RPIA: variants seen among roughly 807,000 people sequenced by gnomAD.
RPIA encodes the protein ribose-5-phosphate isomerase.
RPIA carries 29 observed loss-of-function variants against 37.8 expected under a neutral mutation model. The ratio of observed to expected loss-of-function variants is 0.77; its 90% CI spans 0.57 to 1.05. The LOEUF (loss-of-function observed/expected upper bound fraction) is 1.05, where lower values mean the gene tolerates loss of function less well. Ranked by LOEUF, RPIA falls within the 50% of genes least tolerant of loss-of-function variation. RPIA has a pLI of 0.00. For synonymous variants in RPIA, 167 were observed against 157.0 expected, an observed-to-expected ratio of 1.06 and a Z score of -0.48; for missense variants, 385 against 413.6, an observed-to-expected ratio of 0.93 and a Z score of 0.60.
At chr2:88,708,957 C>T (rs749720286) in intron 3 of RPIA, among the ~76,000 whole-genome samples, 50 of 152,046 alleles carry the variant, frequency 3.3e-4, no homozygotes, top group Admixed American at 5.9e-4. Flanking sequence ...GGGGTTTCAC[C>T]CTGTTGGCCA....
At chr2:88,702,195 C>A (rs1056270950) in intron 3 of RPIA, among the ~76,000 whole-genome samples, 2 of 152,150 alleles carry the variant, frequency 1.3e-5, no homozygotes, top group Non-Finnish European at 2.9e-5. Flanking sequence ...AGTATTACTT[C>A]ATCGTAAAAG....
chr2:88,728,818 C>A (rs1409031582), intron 3 of RPIA, among the ~76,000 whole-genome samples: 1 of 152,172 alleles, frequency 6.6e-6, no homozygotes, highest in Non-Finnish European at 1.5e-5. Context: ...TGTATATATT[C>A]TTTTCCTCAT....
Position 88,750,169 on chromosome 2 carries a change from T to A in RPIA, c.*91T>A, listed in dbSNP as rs925217202. On this transcript the variant is annotated 3_prime_UTR_variant, in exon 9 of 9. Coordinates refer to ENST00000283646, the MANE Select transcript of RPIA (RefSeq NM_144563.3). ...CCAGGAGCCTTTGCCTTAATGTATC[T>A]CTGCCTGGACAACTTGTGGTGGGGG... is the stretch of plus-strand genomic sequence containing the variant. 8 of 809,360 alleles carry A rather than the reference T, an allele frequency of 9.9e-6. No homozygotes were observed. The African/African-American group carries it at 1.4e-4, about 14-fold the overall frequency. The allele number at this position is 809,360 out of a possible 1,614,324, so 50.1% of individuals were successfully genotyped here.
chr2:88,714,747 C>A (rs1673011306), intron 3 of RPIA, among the ~76,000 whole-genome samples: 1 of 152,196 alleles, frequency 6.6e-6, no homozygotes. Flanking sequence ...TTGTTTTCAA[C>A]ACAATACCTG....
chr2:88,736,410 T>A, intron 6 of RPIA, 125 bp from the exon 7 acceptor site: 1 of 875,574 alleles, frequency 1.1e-6, no homozygotes, highest in Non-Finnish European at 1.9e-6. Context: ...TAGCCCCATG[T>A]ATATTGCCCT....
chr2:88,734,434 G>A (rs1673290548), intron 4 of RPIA, 118 bp from the exon 5 acceptor site: 3 of 920,406 alleles, frequency 3.3e-6, no homozygotes, highest in African/African-American at 1.6e-5. Context: ...TTGCTAAATG[G>A]GAGTACTAGA....
At chr2:88,735,770 G>C in intron 6 of RPIA, 33 bp downstream of exon 6, 1 of 1,606,100 alleles carries the variant, frequency 6.2e-7, no homozygotes, top group Non-Finnish European at 8.5e-7. Context: ...TGCCAACTGA[G>C]GAGGTAGATT....
chr2:88,696,865 C>T (rs1487433436), intron 1 of RPIA, among the ~76,000 whole-genome samples: 2 of 152,142 alleles, frequency 1.3e-5, no homozygotes, highest in East Asian at 3.8e-4. Context: ...GAGGGTGGAG[C>T]CCTCTGACCT....
chr2:88,708,591 A>G (rs978094260), intron 3 of RPIA, among the ~76,000 whole-genome samples: 3 of 152,198 alleles, frequency 2.0e-5, no homozygotes, highest in Non-Finnish European at 4.4e-5. Flanking sequence ...CTTTCAATAA[A>G]GTTGGTTCAT....
At chr2:88,724,840 C>T (rs996652158) in intron 3 of RPIA, among the ~76,000 whole-genome samples, 3 of 152,166 alleles carry the variant, frequency 2.0e-5, no homozygotes, top group South Asian at 2.1e-4. Flanking sequence ...ACTCTGCCTT[C>T]GGTTCTACCT....
chr2:88,699,400 CTT>C (rs902822431), intron 2 of RPIA, among the ~76,000 whole-genome samples: 21 of 142,070 alleles, frequency 1.5e-4, no homozygotes, highest in Admixed American at 7.1e-4. Flanking sequence ...TTCCTGAAGT[CTT>C]TTTTTTTTTT....
chr2:88,718,897 T>C (rs1272001641), intron 3 of RPIA, among the ~76,000 whole-genome samples: 1 of 152,210 alleles, frequency 6.6e-6, no homozygotes, highest in African/African-American at 2.4e-5. Context: ...AGAAGTTTTT[T>C]TGACTCTGAA....
intron 1 of RPIA, among the ~76,000 whole-genome samples, chr2:88,698,107 A>T (rs1428288486): frequency 2.9e-5 from 4 of 139,110 alleles, no homozygotes; most frequent in Non-Finnish European, 1.5e-5. Flanking sequence ...TTTTAAACAC[A>T]CTGTTGCTGG....
intron 3 of RPIA, among the ~76,000 whole-genome samples, chr2:88,725,663 T>G (rs868442222): frequency 6.6e-6 from 1 of 152,318 alleles, no homozygotes; most frequent in Middle Eastern, 3.4e-3. Context: ...TTTGATTACC[T>G]CTCTAAAGAC....
Position 88,691,689 on chromosome 2 carries a change from A to G in RPIA, c.-10A>G, listed in dbSNP as rs1355250559. ...CGGGACTTCAGCGGAGGCCGGAGCG[A>G]GGCGTCGGGATGCAGCGCCCCGGGC... On this transcript the variant is annotated 5_prime_UTR_variant, in exon 1 of 9. Transcript: ENST00000283646. 6.4e-7 allele frequency: 1 copy of G among 1,568,566 alleles called. No individual in the cohort carries two copies. Among genetic ancestry groups the G allele is most frequent in the East Asian group, 2.3e-5 (1 of 44,260 alleles).
chr2:88,698,925 C>T (rs776414822), intron 2 of RPIA, among the ~76,000 whole-genome samples: 2 of 152,230 alleles, frequency 1.3e-5, no homozygotes, highest in Non-Finnish European at 1.5e-5. Context: ...CTGTCCATGA[C>T]CCTGGAGTGG....
intron 3 of RPIA, among the ~76,000 whole-genome samples, chr2:88,713,373 CAG>C (rs1310640736): frequency 6.6e-6 from 1 of 151,880 alleles, no homozygotes; most frequent in Non-Finnish European, 1.5e-5. Flanking sequence ...TTTGACTCTA[CAG>C]AGCACTATGT....
At chr2:88,721,510 T>TA (rs1273484686) in intron 3 of RPIA, among the ~76,000 whole-genome samples, 1 of 143,764 alleles carries the variant, frequency 7.0e-6, no homozygotes, top group Admixed American at 7.2e-5. Context: ...TATGTTAATA[T>TA]AAAACATAAT....
intron 3 of RPIA, among the ~76,000 whole-genome samples, chr2:88,725,612 G>T (rs771736553): frequency 2.0e-5 from 3 of 152,146 alleles, no homozygotes; most frequent in Non-Finnish European, 4.4e-5. Flanking sequence ...AAGGACATCA[G>T]TCATACTGAT....
Sources: gnomAD v4.1 joint callset for allele counts (sites outside exome capture counted in the v4.1 genomes callset) on GRCh38, gnomAD v4.1.1 for gene constraint, MANE v1.5 for transcripts, NCBI Gene and HGNC (gene_info 2026-07-23, HGNC 2026-07-21) for gene names.